SOX6: variants seen among roughly 807,000 people sequenced by gnomAD.
The protein encoded by SOX6 is SRY-box transcription factor 6, also known as transcription factor SOX-6.
SOX6 carries 11 observed loss-of-function variants against 97.8 expected under a neutral mutation model. The ratio of observed to expected loss-of-function variants is 0.11; its 90% CI spans 0.07 to 0.19. The LOEUF (loss-of-function observed/expected upper bound fraction) is 0.19. Ranked by LOEUF, SOX6 falls within the 10% of genes least tolerant of loss-of-function variation. The probability of loss-of-function intolerance (pLI) is 1.00; values close to 1 mark genes in which losing one functional copy is unlikely to be tolerated. For missense variants in SOX6, 810 were observed against 1,039.5 expected (o/e 0.78, Z 3.04); for synonymous variants, 360 against 371.4 (o/e 0.97, Z 0.35).
intron 6 of SOX6, among the ~76,000 whole-genome samples, chr11:16,132,999 G>A (rs942760139): frequency 1.3e-5 from 2 of 152,008 alleles, no homozygotes; most frequent in Non-Finnish European, 1.5e-5. Context: ...GGTAAAATAG[G>A]CCCTGGAATA....
chr11:16,319,053 A>C (rs1024198819), intron 2 of SOX6, among the ~76,000 whole-genome samples: 1 of 152,290 alleles, frequency 6.6e-6, no homozygotes, highest in East Asian at 1.9e-4. Context: ...CACTTTTAGT[A>C]TCAACACTCT....
chr11:16,642,006 G>A (rs1450406111), intron 3 of SOX6, among the ~76,000 whole-genome samples: 2 of 152,146 alleles, frequency 1.3e-5, no homozygotes, highest in Non-Finnish European at 2.9e-5. Flanking sequence ...TAGCCTCGAT[G>A]GTCTTTACAA....
intron 1 of SOX6, among the ~76,000 whole-genome samples, chr11:16,407,820 A>G (rs1367850580): frequency 6.6e-6 from 1 of 152,190 alleles, no homozygotes; most frequent in Non-Finnish European, 1.5e-5. Context: ...ATCCAAAGAT[A>G]TTAAAAAGGA....
chr11:16,359,525 G>A (rs589879), upstream of SOX6, among the ~76,000 whole-genome samples: 1,192 of 152,156 alleles, frequency 7.8e-3, 19 homozygotes, highest in African/African-American at 0.027. Flanking sequence ...TTGTATATAT[G>A]TTTATGCTCC....
At chr11:16,505,460 C>T (rs1317859395) in intron 4 of SOX6, among the ~76,000 whole-genome samples, 1 of 151,952 alleles carries the variant, frequency 6.6e-6, no homozygotes, top group Admixed American at 6.6e-5. Context: ...TAATCTGAAA[C>T]TGGAATTTAT....
intron 1 of SOX6, among the ~76,000 whole-genome samples, chr11:16,737,456 C>T (rs1848400537): frequency 6.6e-6 from 1 of 151,834 alleles, no homozygotes; most frequent in African/African-American, 2.4e-5. Context: ...CCACCCGCCT[C>T]AGCCTCCCAA....
intron 3 of SOX6, among the ~76,000 whole-genome samples, chr11:16,624,184 T>TTTTATTTATTTATTTATTTATTTA (rs142553542): frequency 4.0e-3 from 589 of 147,328 alleles, no homozygotes; most frequent in African/African-American, 8.1e-3. Context: ...TATTTTTTTA[T>TTTTATTTATTTATTTATTTATTTA]TTTATTTATT....
chr11:16,499,734 C>A (rs1385578579), intron 4 of SOX6, among the ~76,000 whole-genome samples: 1 of 152,186 alleles, frequency 6.6e-6, no homozygotes, highest in Non-Finnish European at 1.5e-5. Context: ...TTCCTCGACA[C>A]ATACACCCTC....
intron 3 of SOX6, chr11:16,283,849 G>A (rs776855820): frequency 5.3e-6 from 2 of 375,316 alleles, no homozygotes; most frequent in South Asian, 2.0e-5. Flanking sequence ...CTAGATTCAT[G>A]TTATTCTCCT....
chr11:16,101,954 C>T (rs1421348832), intron 7 of SOX6, among the ~76,000 whole-genome samples: 1 of 151,760 alleles, frequency 6.6e-6, no homozygotes, highest in African/African-American at 2.4e-5. Context: ...AAAGCATTCT[C>T]CCTAAAAGCT....
rs773828047 is a variant in SOX6, at chr11:15,973,003, T to A, written c.2293A>T (p.Thr765Ser). The part of the protein sequence containing the change: ...SPQMTSDCSS[T>S]SASPEPSLPV... ...AGGCTGGGCTCCGGGCTGGCCGAGGTGCTAGAGCAGTCAGATGTCATCTGA... is the reference window on the plus strand; with the variant it reads ...AGGCTGGGCTCCGGGCTGGCCGAGGAGCTAGAGCAGTCAGATGTCATCTGA... The change falls in exon 16 of 16, where the codon ACC becomes TCC. Residue 765 changes from threonine to serine, a missense_variant. Transcript: ENST00000683767. 5.6e-6 allele frequency: 9 copies of A among 1,614,132 alleles called. No individual in the cohort carries two copies. Among genetic ancestry groups the A allele is most frequent in the Middle Eastern group, 1.7e-4 (1 of 6,060 alleles).
chr11:16,433,954 G>T (rs1200047430), intron 1 of SOX6, among the ~76,000 whole-genome samples: 1 of 151,776 alleles, frequency 6.6e-6, no homozygotes, highest in Non-Finnish European at 1.5e-5. Context: ...AGACACAAAG[G>T]CCTTCAGGAT....
At chr11:16,215,626 A>T (rs1314177370) in intron 4 of SOX6, among the ~76,000 whole-genome samples, 1 of 152,204 alleles carries the variant, frequency 6.6e-6, no homozygotes, top group Admixed American at 6.5e-5. Flanking sequence ...AAGCCAGAAT[A>T]ATATGAAATA....
intron 2 of SOX6, among the ~76,000 whole-genome samples, chr11:16,335,719 C>T (rs1302206104): frequency 6.6e-6 from 1 of 152,146 alleles, no homozygotes; most frequent in East Asian, 1.9e-4. Flanking sequence ...ATGACAATAG[C>T]TCCATTCCCA....
intron 2 of SOX6, among the ~76,000 whole-genome samples, chr11:16,323,137 A>C (rs553941101): frequency 6.6e-6 from 1 of 152,288 alleles, no homozygotes; most frequent in South Asian, 2.1e-4. Context: ...CCTAGTCCCA[A>C]ATAAAGGAAA....
intron 4 of SOX6, among the ~76,000 whole-genome samples, chr11:16,234,379 A>C (rs527500235): frequency 6.6e-6 from 1 of 152,172 alleles, no homozygotes; most frequent in East Asian, 1.9e-4. Context: ...TTTATAGACT[A>C]ATACAAAAAG....
intron 2 of SOX6, among the ~76,000 whole-genome samples, chr11:16,731,819 A>C (rs1380951563): frequency 6.6e-6 from 1 of 152,236 alleles, no homozygotes; most frequent in African/African-American, 2.4e-5. Flanking sequence ...GTTTGCAGAC[A>C]ACATGATTGC....
intron 4 of SOX6, 118 bp from the exon 5 acceptor site, chr11:16,187,073 A>C (rs1851499298): frequency 4.6e-6 from 5 of 1,098,258 alleles, no homozygotes; most frequent in Non-Finnish European, 6.9e-6. Context: ...TGGGACAATG[A>C]CTGGAGGCCA....
At chr11:16,181,092 A>G (rs1404147922) in intron 6 of SOX6, among the ~76,000 whole-genome samples, 3 of 151,226 alleles carry the variant, frequency 2.0e-5, no homozygotes, top group African/African-American at 4.8e-5. Flanking sequence ...AATTGGGGGG[A>G]AAAAAACAGT....
Sources: gnomAD v4.1 joint callset for allele counts (sites outside exome capture counted in the v4.1 genomes callset) on GRCh38, gnomAD v4.1.1 for gene constraint, MANE v1.5 for transcripts, NCBI Gene and HGNC (gene_info 2026-07-23, HGNC 2026-07-21) for gene names.